The following DMD variants were observed in gnomAD, a reference collection of about 807,000 sequenced individuals.
The protein encoded by DMD is dystrophin, also known as mutant dystrophin.
In DMD, 63 loss-of-function variants were observed where a neutral mutation model predicts 330.1. The ratio of observed to expected loss-of-function variants is 0.19; its 90% confidence interval spans 0.16 to 0.24. DMD has a LOEUF of 0.24. DMD is among the 10% of genes least tolerant of loss of function. The pLI is 1.00. For missense variants in DMD, 3,344 were observed against 2,684.1 expected (o/e 1.25, Z -5.43); for synonymous variants, 1,223 against 959.8 (o/e 1.27, Z -5.07).
At chrX:33,214,570 T>C (rs1480254454), upstream of DMD, among the ~76,000 whole-genome samples, 1 of 111,938 alleles carries the variant, frequency 8.9e-6, no homozygotes, top group African/African-American at 3.3e-5. Context: ...ATGGCACTAC[T>C]GTCGGTTATG....
At chrX:31,277,605 A>T (rs1234842964) in intron 62 of DMD, among the ~76,000 whole-genome samples, 1 of 111,091 alleles carries the variant, frequency 9.0e-6, no homozygotes, top group Non-Finnish European at 1.9e-5. Flanking sequence ...AGCAGTTTTC[A>T]GTGCCCCTCG....
chrX:31,834,449 T>C (rs1035808037), intron 49 of DMD, among the ~76,000 whole-genome samples: 17 of 111,620 alleles, frequency 1.5e-4, no homozygotes, highest in Admixed American at 3.8e-4. Context: ...TTGATATATA[T>C]ATATTTTGAG....
intron 7 of DMD, among the ~76,000 whole-genome samples, chrX:32,729,587 C>T (rs990479134): frequency 9.0e-6 from 1 of 111,546 alleles, no homozygotes; most frequent in African/African-American, 3.3e-5. Context: ...TTAACATTTC[C>T]ACATTTCATA....
chrX:31,344,042 G>T lies in DMD; in HGVS notation c.9163+4514C>A, dbSNP rs1301820754. 2.0e-5 allele frequency among the ~76,000 whole-genome samples: 2 copies of T among 101,132 alleles called. 1 individual carries two copies. The allele number at this position is 101,132 out of a possible 115,157, so 87.8% of individuals were successfully genotyped here. On this transcript the variant is annotated intron_variant, in intron 61 of 78. Transcript: ENST00000357033. ...CTGTCACACAGATTGGAGTGCGGGG[G>T]GGGGTGGATTATGGATCACTGCAGC...
intron 44 of DMD, among the ~76,000 whole-genome samples, chrX:32,044,713 C>T (rs753212266): frequency 6.1e-4 from 68 of 111,870 alleles, no homozygotes; most frequent in Non-Finnish European, 9.6e-4. Flanking sequence ...TGAGCCTCCG[C>T]ACCCAGCCTA....
At position 32,045,082 on chromosome X, in the gene DMD, G is replaced by T. The variant is rs188705551; in HGVS notation, c.6439-76568C>A. ...AGTGAGTGAGTTTTCATGAGATCTG[G>T]TTTTTTTTTAAAGTGTGTGGGCATC... On this transcript the variant is annotated intron_variant, in intron 44 of 78. Coordinates refer to ENST00000357033, the MANE Select transcript of DMD (RefSeq NM_004006.3). Among the ~76,000 whole-genome samples the T allele has an allele frequency of 9.1e-5, 10 of 109,384 alleles. No homozygotes were observed. In the East Asian group the frequency reaches 1.7e-3, roughly 19 times the overall value. The allele number at this position is 109,384 out of a possible 115,157, so 95.0% of individuals were successfully genotyped here.
intron 57 of DMD, among the ~76,000 whole-genome samples, chrX:31,495,286 G>A (rs2069729360): frequency 9.0e-6 from 1 of 110,511 alleles, no homozygotes; most frequent in South Asian, 3.9e-4. Context: ...TATCTCCACA[G>A]AGATCTTTCC....
At chrX:32,052,680 G>A (rs1470545063) in intron 44 of DMD, among the ~76,000 whole-genome samples, 1 of 111,368 alleles carries the variant, frequency 9.0e-6, no homozygotes, top group East Asian at 2.8e-4. Flanking sequence ...AGTTTAGTCA[G>A]GTAATCGAGA....
At chrX:32,684,014 T>TACATAC (rs2062651247) in intron 9 of DMD, among the ~76,000 whole-genome samples, 1 of 64,647 alleles carries the variant, frequency 1.5e-5, no homozygotes, top group African/African-American at 1.7e-4. Flanking sequence ...CACACACACA[T>TACATAC]ACATACACAC....
chrX:31,331,670 T>C (rs1232247094), intron 61 of DMD, among the ~76,000 whole-genome samples: 1 of 111,983 alleles, frequency 8.9e-6, no homozygotes, highest in Non-Finnish European at 1.9e-5. Flanking sequence ...TAATGGTGGT[T>C]ACAGTCTTTG....
intron 1 of DMD, among the ~76,000 whole-genome samples, chrX:33,114,765 A>T (rs957281512): frequency 8.9e-6 from 1 of 112,257 alleles, no homozygotes; most frequent in African/African-American, 3.2e-5. Context: ...CTGAAAGTAG[A>T]ATCTGTGCTT....
At chrX:32,549,542 T>C (rs1413188372) in intron 16 of DMD, among the ~76,000 whole-genome samples, 1 of 112,301 alleles carries the variant, frequency 8.9e-6, no homozygotes, top group African/African-American at 3.2e-5. Context: ...ATAAGTGCTC[T>C]ATAATGGTAA....
At chrX:32,486,936 C>A (rs189873516) in intron 20 of DMD, among the ~76,000 whole-genome samples, 168 of 109,930 alleles carry the variant, frequency 1.5e-3, no homozygotes, top group African/African-American at 2.3e-3. Context: ...AGGGCATAGG[C>A]ATGGGCAAGG....
Position 32,060,067 on chromosome X carries a change from G to A in DMD, c.6439-91553C>T, listed in dbSNP as rs189252581. 2.2e-4 allele frequency among the ~76,000 whole-genome samples: 24 copies of A among 109,869 alleles called. No homozygotes were observed. In the East Asian group the frequency reaches 4.3e-3, roughly 20 times the overall value. ...TTTGAAGAAGTTGACCTGTCTGCTC[G>A]AAAGCCATATCCAGCAGACCCACCG... On this transcript the variant is annotated intron_variant, in intron 44 of 78. Transcript: ENST00000357033.
chrX:31,244,598 C>T (rs5972349), intron 63 of DMD, among the ~76,000 whole-genome samples: 25,745 of 110,531 alleles, frequency 0.23, 2,277 homozygotes, highest in East Asian at 0.47. Flanking sequence ...AGTGGTACCC[C>T]AATAAACTGC....
At chrX:32,455,613 T>C (rs2098354108) in intron 25 of DMD, among the ~76,000 whole-genome samples, 1 of 111,086 alleles carries the variant, frequency 9.0e-6, no homozygotes, top group Admixed American at 9.6e-5. Flanking sequence ...GAGTGAATCA[T>C]GCCAACCAAA....
Position 31,679,580 on chromosome X carries a change from C to A in DMD, c.7667G>T (p.Arg2556Ile). ...TACTTCATCCCACTGATTCTGAATT[C>A]TTTCAACTAGAATAAAAGGAAAAAT... ...ARTIITDRIE[R>I]IQNQWDEVQE... Residue 2556 changes from arginine to isoleucine, a missense_variant, in exon 53 of 79, where the codon AGA becomes ATA. Physicochemically the swap from Arg to Ile is moderately conservative, Grantham distance 97. Coordinates refer to ENST00000357033, the MANE Select transcript of DMD (RefSeq NM_004006.3). 1.7e-6 allele frequency: 2 copies of A among 1,206,081 alleles called. No homozygotes were observed. The highest frequency in any genetic ancestry group is 2.2e-6 in the Non-Finnish European group (2 of 890,607).
At chrX:32,592,035 G>T (rs1338091100) in intron 13 of DMD, among the ~76,000 whole-genome samples, 1 of 112,259 alleles carries the variant, frequency 8.9e-6, no homozygotes, top group Non-Finnish European at 1.9e-5. Context: ...GCATGGGAGA[G>T]AGGCTGAGTG....
Position 31,503,574 on chromosome X carries a change from T to C in DMD, c.8390+3707A>G, listed in dbSNP as rs145180620. Reference sequence around the variant, plus strand: ...GCCCTATAAAGCAACTCTTGAACACTTGAAGAAACATGTTATCAAGTGTAA... The same window carrying C: ...GCCCTATAAAGCAACTCTTGAACACCTGAAGAAACATGTTATCAAGTGTAA... On this transcript the variant is annotated intron_variant, in intron 56 of 78. Transcript: ENST00000357033. Among the ~76,000 whole-genome samples the C allele has an allele frequency of 4.3e-4, 48 of 111,955 alleles. No homozygotes were observed. In the East Asian group the frequency reaches 9.7e-3, roughly 23 times the overall value.
Sources: gnomAD v4.1 joint callset for allele counts (sites outside exome capture counted in the v4.1 genomes callset) on GRCh38, gnomAD v4.1.1 for gene constraint, MANE v1.5 for transcripts, NCBI Gene and HGNC (gene_info 2026-07-23, HGNC 2026-07-21) for gene names.